Variants in WBP1L observed in about 807,000 individuals in gnomAD.
WBP1L encodes the protein WW domain binding protein 1 like, also known as WW domain binding protein 1-like.
Under a neutral mutation model 33.7 loss-of-function variants are expected in WBP1L, and 17 were observed. The observed-to-expected ratio is 0.50, with a 90% CI of 0.34 to 0.76. The LOEUF is 0.76. Ranked by LOEUF, WBP1L falls within the 30% of genes least tolerant of loss-of-function variation. The pLI is 0.01. For synonymous variants in WBP1L, 173 were observed against 190.8 expected, an observed-to-expected ratio of 0.91 and a Z score of 0.77; for missense variants, 389 against 469.4, an observed-to-expected ratio of 0.83 and a Z score of 1.58.
intron 1 of WBP1L, chr10:102,775,986 C>T: frequency 5.2e-6 from 3 of 574,434 alleles, no homozygotes; most frequent in Non-Finnish European, 6.6e-6. Flanking sequence ...CAGCCCCCAC[C>T]ATCCTCCCAC....
At chr10:102,767,966 C>A (rs543318169) in intron 1 of WBP1L, among the ~76,000 whole-genome samples, 1 of 152,162 alleles carries the variant, frequency 6.6e-6, no homozygotes, top group Non-Finnish European at 1.5e-5. Flanking sequence ...ATGCCCCATG[C>A]GTCCTTGTTT....
At chr10:102,810,114 T>C in intron 3 of WBP1L, 60 bp downstream of exon 3, 1 of 1,544,908 alleles carries the variant, frequency 6.5e-7, no homozygotes, top group Non-Finnish European at 8.7e-7. Flanking sequence ...GACCCAGGGC[T>C]CACACTGAAT....
intron 1 of WBP1L, among the ~76,000 whole-genome samples, chr10:102,782,586 C>G (rs1159681596): frequency 6.6e-6 from 1 of 152,084 alleles, no homozygotes; most frequent in African/African-American, 2.4e-5. Flanking sequence ...TTATTTCTTG[C>G]TAATTTGTAG....
In WBP1L at chr10:102,812,954, T is replaced by C. The variant is rs201829674; in HGVS notation, c.715T>C (p.Cys239Arg). 1.6e-4 allele frequency: 251 copies of C among 1,607,420 alleles called. 2 individuals carry two copies. The East Asian group carries it at 3.2e-3, about 20-fold the overall frequency. The part of the protein sequence containing the change: ...PGAFLDKDAE[C>R]REELLKDDSS... ...GGCCTTCCTGGACAAAGATGCAGAA[T>C]GTAGGGAGGAGCTGCTGAAAGATGA... The change falls in exon 4 of 4, where the codon TGT becomes CGT. Residue 239 changes from cysteine to arginine, a missense_variant. Physicochemically the swap from Cys to Arg is radical, Grantham distance 180. Transcript: ENST00000448841.
At chr10:102,756,621 G>A (rs1014162878) in intron 1 of WBP1L, among the ~76,000 whole-genome samples, 2 of 152,122 alleles carry the variant, frequency 1.3e-5, no homozygotes, top group African/African-American at 4.8e-5. Context: ...GTGCTACGTT[G>A]AACATTGTTG....
At chr10:102,756,352 G>A (rs1021376864) in intron 1 of WBP1L, among the ~76,000 whole-genome samples, 7 of 152,146 alleles carry the variant, frequency 4.6e-5, no homozygotes, top group South Asian at 4.1e-4. Context: ...AGAGGTTGCA[G>A]TGAGCCAAGA....
chr10:102,778,490 G>A (rs1478312908), intron 1 of WBP1L, among the ~76,000 whole-genome samples: 2 of 152,232 alleles, frequency 1.3e-5, no homozygotes, highest in African/African-American at 2.4e-5. Context: ...GGAGAGTGAA[G>A]GGTTGGGATG....
In WBP1L at chr10:102,813,811, G is replaced by T; in HGVS notation, c.*480G>T. ...AGAAGGAAACCCACAGAGGCCCAGG[G>T]CTTGTCATTGGGCTGCCAGTGTCTG... On this transcript the variant is annotated 3_prime_UTR_variant, in exon 4 of 4. Coordinates refer to ENST00000448841, the MANE Select transcript of WBP1L (RefSeq NM_001083913.2). 1 of 159,786 alleles carries T rather than the reference G, an allele frequency of 6.3e-6. No homozygotes were observed. Among genetic ancestry groups the T allele is most frequent in the Non-Finnish European group, 1.4e-5 (1 of 72,526 alleles). 9.9% of individuals were successfully genotyped at this position (159,786 alleles called of 1,614,324 possible).
intron 2 of WBP1L, among the ~76,000 whole-genome samples, chr10:102,805,474 GTTACCCAGGCTGACC>G (rs1843718645): frequency 6.6e-6 from 1 of 151,068 alleles, no homozygotes; most frequent in Admixed American, 6.6e-5. Flanking sequence ...ATCTCGCTGT[GTTACCCAGGCTGACC>G]TCACAAGAAG....
intron 1 of WBP1L, among the ~76,000 whole-genome samples, chr10:102,767,742 T>G (rs1391918032): frequency 1.3e-5 from 2 of 152,122 alleles, no homozygotes; most frequent in African/African-American, 4.8e-5. Context: ...ATTGACCATA[T>G]TTTAGTAGTA....
At chr10:102,805,442 C>CTT (rs35567690) in intron 2 of WBP1L, among the ~76,000 whole-genome samples, 5 of 145,270 alleles carry the variant, frequency 3.4e-5, no homozygotes, top group Admixed American at 6.9e-5. Context: ...TGCTGGCTAT[C>CTT]TTTTTTTTTT....
intron 1 of WBP1L, among the ~76,000 whole-genome samples, chr10:102,761,087 G>C (rs1268096816): frequency 6.7e-6 from 1 of 148,210 alleles, no homozygotes; most frequent in Admixed American, 6.7e-5. Context: ...TGTGTTTTTT[G>C]GTAGAGACAG....
At position 102,752,721 on chromosome 10, in the gene WBP1L, G is replaced by A. The variant is rs942370517; in HGVS notation, c.90+8578G>A. ...TTTTCCTTTCCCCATTCCAAGTCCT[G>A]GCTCTACTCTGATTTTCGGCCTCAG... On this transcript the variant is annotated intron_variant, in intron 1 of 3. Coordinates refer to ENST00000448841, the MANE Select transcript of WBP1L (RefSeq NM_001083913.2). Among the ~76,000 whole-genome samples, 5 of 152,222 alleles carry A rather than the reference G, an allele frequency of 3.3e-5. No homozygotes were observed. In the South Asian group the frequency reaches 8.3e-4, roughly 25 times the overall value.
intron 1 of WBP1L, among the ~76,000 whole-genome samples, chr10:102,792,819 T>G (rs1249782209): frequency 6.6e-6 from 1 of 152,094 alleles, no homozygotes; most frequent in African/African-American, 2.4e-5. Context: ...GGTTTCAAAC[T>G]CCTGACCTCA....
chr10:102,809,277 C>A (rs949960263), intron 2 of WBP1L, among the ~76,000 whole-genome samples: 1 of 152,056 alleles, frequency 6.6e-6, no homozygotes, highest in East Asian at 1.9e-4. Flanking sequence ...AGGGTTTCAC[C>A]ATGTTGGCCA....
chr10:102,796,563 G>T (rs1162225321), intron 1 of WBP1L, among the ~76,000 whole-genome samples: 1 of 152,202 alleles, frequency 6.6e-6, no homozygotes, highest in Admixed American at 6.5e-5. Context: ...GTTTCCACTG[G>T]CAGCTGTCCG....
In WBP1L at chr10:102,813,116, C is replaced by T. The variant is rs1265843177; in HGVS notation, c.877C>T (p.Leu293Phe). ...HDDDLKEFNTLIDDALDGPLD... is the reference protein window; with the variant it reads ...HDDDLKEFNTFIDDALDGPLD... Reference sequence around the variant, plus strand: ...CGATGACCTCAAAGAGTTCAACACACTCATCGATGATGCTCTGGATGGGCC... The same window carrying T: ...CGATGACCTCAAAGAGTTCAACACATTCATCGATGATGCTCTGGATGGGCC... The change falls in exon 4 of 4, where the codon CTC (leucine) becomes TTC (phenylalanine). Residue 293 changes from leucine to phenylalanine, a missense_variant. By Grantham distance (22) the Leu-to-Phe change is conservative. Coordinates refer to ENST00000448841, the MANE Select transcript of WBP1L (RefSeq NM_001083913.2). The T allele has an allele frequency of 1.9e-6, 3 of 1,614,000 alleles. No homozygotes were observed. Among genetic ancestry groups the T allele is most frequent in the East Asian group, 4.5e-5 (2 of 44,882 alleles).
At chr10:102,777,195 G>A (rs543789229) in intron 1 of WBP1L, among the ~76,000 whole-genome samples, 101 of 152,162 alleles carry the variant, frequency 6.6e-4, no homozygotes, top group Non-Finnish European at 1.1e-3. Flanking sequence ...CCCCCTCTTC[G>A]TCTGAGAGGC....
intron 1 of WBP1L, among the ~76,000 whole-genome samples, chr10:102,796,886 A>G (rs1307842126): frequency 2.0e-5 from 3 of 152,100 alleles, no homozygotes; most frequent in Non-Finnish European, 4.4e-5. Context: ...TCTGGGAGGT[A>G]TTTTATATCT....
Sources: allele counts gnomAD v4.1 joint callset (sites outside exome capture counted in the v4.1 genomes callset), GRCh38; gene constraint gnomAD v4.1.1; transcripts MANE v1.5; gene names NCBI Gene and HGNC (gene_info 2026-07-23, HGNC 2026-07-21).